The following DENND4C variants were observed in gnomAD, a reference collection of about 807,000 sequenced individuals.
DENND4C encodes the protein DENN domain-containing protein 4C.
In DENND4C, 108 loss-of-function variants were observed where a neutral mutation model predicts 203.0. The ratio of observed to expected loss-of-function variants is 0.53; its 90% CI spans 0.46 to 0.62. The LOEUF (loss-of-function observed/expected upper bound fraction) is 0.62. DENND4C is among the 20% of genes least tolerant of loss of function. The pLI is 0.00. For missense variants in DENND4C, 2,481 were observed against 2,301.2 expected (o/e 1.08, Z -1.60); for synonymous variants, 871 against 792.4 (o/e 1.10, Z -1.67).
intron 10 of DENND4C, among the ~76,000 whole-genome samples, chr9:19,308,440 T>C (rs1372085793): frequency 3.3e-5 from 5 of 152,220 alleles, no homozygotes; most frequent in Non-Finnish European, 7.3e-5. Flanking sequence ...GATTTTCATA[T>C]CTTTGTGCCC....
At chr9:19,245,674 G>T (rs1236463796) in intron 1 of DENND4C, among the ~76,000 whole-genome samples, 1 of 152,000 alleles carries the variant, frequency 6.6e-6, no homozygotes, top group African/African-American at 2.4e-5. Flanking sequence ...GGCCAACGTG[G>T]TGAAACCCCG....
intron 2 of DENND4C, among the ~76,000 whole-genome samples, chr9:19,281,649 T>C (rs1380845779): frequency 6.6e-6 from 1 of 152,234 alleles, no homozygotes; most frequent in Non-Finnish European, 1.5e-5. Flanking sequence ...AAATACCGTA[T>C]ATACTATAAA....
Position 19,371,756 on chromosome 9 carries a change from G to T in DENND4C, c.5676G>T (p.Arg1892Ser). The change falls in exon 32 of 33, where the codon AGG becomes AGT. Residue 1892 changes from arginine (R) to serine (S), a missense_variant and splice_region_variant. Physicochemically the swap from Arg to Ser is moderately radical, Grantham distance 110. Around this residue, in one of 3 missense-constraint regions of DENND4C, gnomAD observed 2,289 missense variants for 2,113.3 expected, o/e 1.08. Transcript: ENST00000434457. The part of the protein sequence containing the change: ...QQMKPGMKRQ[R>S]SLYREILFLS... ...CTTTTAAAACATATTTGTTTTATAG[G>T]AGTTTATACAGAGAAATCCTCTTCT... 1.4e-6 allele frequency: 2 copies of T among 1,399,034 alleles called. No individual in the cohort carries two copies. The highest frequency in any genetic ancestry group is 2.0e-6 in the Non-Finnish European group (2 of 1,004,210). 86.7% of individuals were successfully genotyped at this position (1,399,034 alleles called of 1,614,324 possible). A position where few individuals can be genotyped will look rare whatever the true frequency, so the allele number is the denominator to read the frequency against.
chr9:19,286,812 G>C lies in DENND4C; in HGVS notation c.349G>C (p.Val117Leu). 8.1e-7 allele frequency: 1 copy of C among 1,232,114 alleles called. No homozygotes were observed. The highest frequency in any genetic ancestry group is 1.0e-6 in the Non-Finnish European group (1 of 987,948). The allele number at this position is 1,232,114 out of a possible 1,614,324, so 76.3% of individuals were successfully genotyped here. The change falls in exon 3 of 33, where the codon GTG (valine) becomes CTG (leucine). Residue 117 changes from valine (V) to leucine (L), a missense_variant. Physicochemically the swap from Val to Leu is conservative, Grantham distance 32. Transcript: ENST00000434457. Reference sequence around the variant, plus strand: ...AGAACGGCTTATTCCAGGATGTGAAGTGATCCTAGCCACACCCTATGGTCG... The same window carrying C: ...AGAACGGCTTATTCCAGGATGTGAACTGATCCTAGCCACACCCTATGGTCG... ...GKERLIPGCE[V>L]ILATPYGRCA...
In DENND4C at chr9:19,373,827, T is replaced by C. The variant is rs1298490927; in HGVS notation, c.*1654T>C. Among the ~76,000 whole-genome samples the C allele has an allele frequency of 6.6e-6, 1 of 152,108 alleles. No homozygotes were observed. Among genetic ancestry groups the C allele is most frequent in the East Asian group, 1.9e-4 (1 of 5,202 alleles). ...GTACAGTAACAACCTAACTCCCTTC[T>C]ACCTGATGTAACCATTTACAAATTA... On this transcript the variant is annotated 3_prime_UTR_variant, in exon 33 of 33. Coordinates refer to ENST00000434457, the MANE Select transcript of DENND4C (RefSeq NM_001330640.2).
chr9:19,324,629 G>C (rs1179467227), intron 13 of DENND4C, 122 bp downstream of exon 13: 4 of 1,009,280 alleles, frequency 4.0e-6, no homozygotes, highest in Non-Finnish European at 5.8e-6. Flanking sequence ...GTATGTGTGT[G>C]TATGTGTTAC....
At chr9:19,261,333 A>G (rs953233131) in intron 1 of DENND4C, among the ~76,000 whole-genome samples, 8 of 151,574 alleles carry the variant, frequency 5.3e-5, no homozygotes, top group Non-Finnish European at 1.0e-4. Context: ...AGCTTTGACT[A>G]TTCTGGGTCT....
At chr9:19,290,035 C>T (rs1835967316) in intron 4 of DENND4C, among the ~76,000 whole-genome samples, 1 of 152,042 alleles carries the variant, frequency 6.6e-6, no homozygotes, top group Non-Finnish European at 1.5e-5. Flanking sequence ...AATTTGGGCT[C>T]AAAATTCTAC....
chr9:19,333,491 C>T (rs973484004), intron 17 of DENND4C, among the ~76,000 whole-genome samples: 5 of 152,142 alleles, frequency 3.3e-5, no homozygotes, highest in African/African-American at 7.2e-5. Context: ...GCCTCTCTTT[C>T]CCTGCACAGA....
At chr9:19,353,787 G>T (rs996043978) in intron 26 of DENND4C, among the ~76,000 whole-genome samples, 1 of 151,882 alleles carries the variant, frequency 6.6e-6, no homozygotes, top group South Asian at 2.1e-4. Context: ...TACAAAAAAG[G>T]TTAGCCCGAC....
At chr9:19,241,920 G>A (rs1294480725) in intron 1 of DENND4C, among the ~76,000 whole-genome samples, 1 of 152,032 alleles carries the variant, frequency 6.6e-6, no homozygotes, top group African/African-American at 2.4e-5. Flanking sequence ...GTTGGGTGTG[G>A]TGGCTCATGC....
intron 1 of DENND4C, among the ~76,000 whole-genome samples, chr9:19,263,576 C>G (rs1408570385): frequency 6.6e-6 from 1 of 150,420 alleles, no homozygotes; most frequent in African/African-American, 2.5e-5. Context: ...CCAAGCTGGT[C>G]TTGAATTAGG....
In DENND4C at chr9:19,373,172, T is replaced by G. The variant is rs1829126534; in HGVS notation, c.*999T>G. On this transcript the variant is annotated 3_prime_UTR_variant, in exon 33 of 33. Coordinates refer to ENST00000434457, the MANE Select transcript of DENND4C (RefSeq NM_001330640.2). The stretch of plus-strand genomic sequence containing the variant: ...CACTATTAATGGCAAAAACCGCAAT[T>G]ATTTTTGTACCAACATAATACACCT... 1 of 152,192 alleles carries G rather than the reference T, an allele frequency of 6.6e-6. No individual in the cohort carries two copies. Among genetic ancestry groups the G allele is most frequent in the Non-Finnish European group, 1.5e-5 (1 of 68,048 alleles). The allele number at this position is 152,192 out of a possible 1,614,324, so 9.4% of individuals were successfully genotyped here.
intron 26 of DENND4C, among the ~76,000 whole-genome samples, chr9:19,355,160 T>A (rs1825119759): frequency 6.6e-6 from 1 of 152,190 alleles, no homozygotes; most frequent in South Asian, 2.1e-4. Context: ...TCCGCCCACC[T>A]TGGTCTCCCA....
chr9:19,361,414 C>CT (rs1826472242), intron 29 of DENND4C, among the ~76,000 whole-genome samples: 1 of 152,112 alleles, frequency 6.6e-6, no homozygotes, highest in Admixed American at 6.6e-5. Context: ...TCCTAGAGTG[C>CT]TTTATTTTAT....
At chr9:19,363,978 C>T (rs528857966) in intron 30 of DENND4C, among the ~76,000 whole-genome samples, 9 of 152,252 alleles carry the variant, frequency 5.9e-5, no homozygotes, top group Admixed American at 4.6e-4. Context: ...TGCGCCGTTG[C>T]ACTCCAGCCT....
chr9:19,342,648 C>G lies in DENND4C; in HGVS notation c.3020C>G (p.Ser1007Cys). The G allele has an allele frequency of 6.2e-7, 1 of 1,606,972 alleles. No homozygotes were observed. The highest frequency in any genetic ancestry group is 8.5e-7 in the Non-Finnish European group (1 of 1,177,530). The change falls in exon 22 of 33, where the codon TCT becomes TGT. Residue 1007 changes from serine (S) to cysteine (C), a missense_variant. By Grantham distance (112) the Ser-to-Cys change is moderately radical. Coordinates refer to ENST00000434457, the MANE Select transcript of DENND4C (RefSeq NM_001330640.2). ...TTTTTTCCAGAGGTGTGTGATGCCT[C>G]TGCTATTGTGGCAAAACATTCACAA... ...KMQTEEVCDASAIVAKHSQPS... is the reference protein window; with the variant it reads ...KMQTEEVCDACAIVAKHSQPS...
chr9:19,286,866 A>C lies in DENND4C; in HGVS notation c.403A>C (p.Thr135Pro). Residue 135 changes from threonine to proline, a missense_variant, in exon 3 of 33, where the codon ACT (threonine) becomes CCT (proline). This residue lies in a region of DENND4C where 187 missense variants were observed against 167.4 expected (regional missense o/e 1.12). Coordinates refer to ENST00000434457, the MANE Select transcript of DENND4C (RefSeq NM_001330640.2). Reference sequence around the variant, plus strand: ...TGCCAATGTCAACAATAGTTCAACTACTTCACAAAGAATCTTTATCACTTA... The same window carrying C: ...TGCCAATGTCAACAATAGTTCAACTCCTTCACAAAGAATCTTTATCACTTA... ...RCANVNNSSTTSQRIFITYRR... is the reference protein window; with the variant it reads ...RCANVNNSSTPSQRIFITYRR... 8.1e-7 allele frequency: 1 copy of C among 1,232,118 alleles called. No individual in the cohort carries two copies. Among genetic ancestry groups the C allele is most frequent in the Non-Finnish European group, 1.0e-6 (1 of 987,954 alleles). The allele number at this position is 1,232,118 out of a possible 1,614,324, so 76.3% of individuals were successfully genotyped here.
rs188504211 is a variant in DENND4C at position 19,246,074 on chromosome 9, T to A, written c.-18+15241T>A. On this transcript the variant is annotated intron_variant, in intron 1 of 32. Transcript: ENST00000434457. ...CCATCATTCTCCTCATATATTCTCT[T>A]CTTAACTTATCCAATTATATTGATT... 9.8e-4 allele frequency among the ~76,000 whole-genome samples: 149 copies of A among 151,762 alleles called. 1 individual carries two copies. Among genetic ancestry groups the A allele is most frequent in the African/African-American group, 2.7e-3 (110 of 41,046 alleles).
Sources: allele counts gnomAD v4.1 joint callset (sites outside exome capture counted in the v4.1 genomes callset), GRCh38; gene constraint gnomAD v4.1.1; regional missense constraint gnomAD v4.1.1; transcripts MANE v1.5; gene names NCBI Gene and HGNC (gene_info 2026-07-23, HGNC 2026-07-21).